Variants in DEFB110 observed in about 807,000 individuals in gnomAD.
The protein encoded by DEFB110 is defensin beta 110.
DEFB110 carries 4 observed loss-of-function variants against 2.5 expected under a neutral mutation model. The ratio of observed to expected loss-of-function variants is 1.60; its 90% CI spans 0.79 to 3.66. DEFB110 has a LOEUF of 3.66. Ranked by LOEUF, DEFB110 falls within the 30% of genes most tolerant of loss-of-function variation. The probability of loss-of-function intolerance (pLI) is 0.01; values close to 1 mark genes in which losing one functional copy is unlikely to be tolerated. For missense variants in DEFB110, 94 were observed against 75.4 expected (o/e 1.25, Z -0.91); for synonymous variants, 29 against 21.8 (o/e 1.33, Z -0.92).
At chr6:50,014,059 C>G (rs555650096), downstream of DEFB110, among the ~76,000 whole-genome samples, 8 of 151,794 alleles carry the variant, frequency 5.3e-5, no homozygotes, top group African/African-American at 1.7e-4. Context: ...ATAGAGAAAG[C>G]ACATCAAAAT....
Position 50,020,077 on chromosome 6 carries a change from G to A in DEFB110, c.56-952C>T, listed in dbSNP as rs540897608. ...TTTCTTATCAATCATGAAAGAATGG[G>A]TGAGGGATTTGTAGCTGGGGTCACA... is the stretch of plus-strand genomic sequence containing the variant. On this transcript the variant is annotated intron_variant, in intron 1 of 1. Coordinates refer to ENST00000371148, the MANE Select transcript of DEFB110 (RefSeq NM_001037497.2). 3.3e-5 allele frequency among the ~76,000 whole-genome samples: 5 copies of A among 152,250 alleles called. No homozygotes were observed. The South Asian group carries it at 1.0e-3, about 32-fold the overall frequency.
At chr6:50,019,812 C>A (rs555727493) in intron 1 of DEFB110, among the ~76,000 whole-genome samples, 1 of 151,838 alleles carries the variant, frequency 6.6e-6, no homozygotes, top group Non-Finnish European at 1.5e-5. Flanking sequence ...ACTGTGTGTA[C>A]TATTAAACCT....
At chr6:50,021,813 T>G in intron 1 of DEFB110, 68 bp downstream of exon 1, 1 of 1,416,718 alleles carries the variant, frequency 7.1e-7, no homozygotes, top group Non-Finnish European at 9.5e-7. Flanking sequence ...ATCATATTTT[T>G]TATCAAGAAA....
At chr6:50,012,370 A>G (rs1471256304) in intron 1 of DEFB110, among the ~76,000 whole-genome samples, 2 of 151,954 alleles carry the variant, frequency 1.3e-5, no homozygotes, top group Non-Finnish European at 2.9e-5. Context: ...AATAAATAAG[A>G]TAAATAACTG....
At chr6:50,013,677 A>G (rs1406985558) in intron 1 of DEFB110, among the ~76,000 whole-genome samples, 1 of 151,854 alleles carries the variant, frequency 6.6e-6, no homozygotes, top group African/African-American at 2.4e-5. Context: ...TAGAGAGGAG[A>G]AAGTGAACCT....
chr6:50,012,336 G>C (rs73739905), intron 1 of DEFB110, among the ~76,000 whole-genome samples: 14,086 of 151,582 alleles, frequency 0.093, 1,765 homozygotes, highest in African/African-American at 0.29. Flanking sequence ...CTGCACATAG[G>C]AAAATGCTTG....
At chr6:50,018,559 TG>T (rs1774357468), downstream of DEFB110, among the ~76,000 whole-genome samples, 1 of 151,974 alleles carries the variant, frequency 6.6e-6, no homozygotes, top group Non-Finnish European at 1.5e-5. Context: ...TATATTTACG[TG>T]GGGGTAATCT....
At chr6:50,018,703 G>GTTGTGGAAC (rs1774360287), downstream of DEFB110, 5 of 704,212 alleles carry the variant, frequency 7.1e-6, no homozygotes, top group South Asian at 2.8e-4. Context: ...GCACATAAAA[G>GTTGTGGAAC]TTGTGGAACT....
At chr6:50,009,257 C>T (rs772502349) in exon 2 of DEFB110, 2 of 1,596,694 alleles carry the variant, frequency 1.3e-6, no homozygotes, top group South Asian at 2.3e-5. Flanking sequence ...TACTTTGGTT[C>T]AAAATTGCTT....
chr6:50,011,661 G>A (rs974305429), intron 1 of DEFB110, among the ~76,000 whole-genome samples: 5 of 152,018 alleles, frequency 3.3e-5, no homozygotes, highest in Non-Finnish European at 7.4e-5. Flanking sequence ...TCTCCCAAGG[G>A]AAGTGTCTGG....
intron 1 of DEFB110, among the ~76,000 whole-genome samples, chr6:50,021,070 A>G (rs975291106): frequency 2.5e-4 from 38 of 151,990 alleles, no homozygotes; most frequent in African/African-American, 8.9e-4. Context: ...TGTGTTCTCC[A>G]GTTTGTGTCC....
intron 1 of DEFB110, among the ~76,000 whole-genome samples, chr6:50,011,359 C>T (rs917497469): frequency 9.2e-5 from 14 of 152,026 alleles, no homozygotes; most frequent in South Asian, 8.3e-4. Flanking sequence ...CTTATATTTC[C>T]GCACATTTTG....
chr6:50,019,886 A>G (rs1453894350), intron 1 of DEFB110, among the ~76,000 whole-genome samples: 1 of 152,110 alleles, frequency 6.6e-6, no homozygotes, highest in African/African-American at 2.4e-5. Context: ...TATTTTTGGA[A>G]GTAATTTTAG....
chr6:50,019,188 G>C, intron 1 of DEFB110, 63 bp from the exon 2 acceptor site: 1 of 1,532,384 alleles, frequency 6.5e-7, no homozygotes, highest in African/African-American at 1.4e-5. Flanking sequence ...TGTTTTAAAA[G>C]GAGAAAGTCC....
intron 1 of DEFB110, among the ~76,000 whole-genome samples, chr6:50,009,879 G>C (rs1327580562): frequency 6.6e-6 from 1 of 152,004 alleles, no homozygotes; most frequent in Non-Finnish European, 1.5e-5. Flanking sequence ...ATAGTTTCTT[G>C]TGAACCATCT....
At chr6:50,014,081 G>A (rs572575483), downstream of DEFB110, among the ~76,000 whole-genome samples, 9 of 151,794 alleles carry the variant, frequency 5.9e-5, no homozygotes, top group South Asian at 1.7e-3. Flanking sequence ...AGAGGAAAAG[G>A]GATTCAGAGA....
At chr6:50,015,289 A>C (rs922717763), downstream of DEFB110, among the ~76,000 whole-genome samples, 2 of 151,850 alleles carry the variant, frequency 1.3e-5, no homozygotes, top group Non-Finnish European at 2.9e-5. Flanking sequence ...TATTTTAATA[A>C]CTTCGAGAGA....
downstream of DEFB110, among the ~76,000 whole-genome samples, chr6:50,014,019 A>G (rs539440179): frequency 2.0e-5 from 3 of 151,978 alleles, no homozygotes; most frequent in East Asian, 1.9e-4. Flanking sequence ...AAGACTTGAT[A>G]GGAGAAGTCA....
chr6:50,017,155 CT>C (rs1231977957), downstream of DEFB110, among the ~76,000 whole-genome samples: 1 of 151,666 alleles, frequency 6.6e-6, no homozygotes, highest in Non-Finnish European at 1.5e-5. Context: ...TTTTACTAAT[CT>C]TTTTCTTGAC....
Sources: gnomAD v4.1 joint callset for allele counts (sites outside exome capture counted in the v4.1 genomes callset) on GRCh38, gnomAD v4.1.1 for gene constraint, MANE v1.5 for transcripts, NCBI Gene and HGNC (gene_info 2026-07-23, HGNC 2026-07-21) for gene names.